PIP4K2A: variants seen among roughly 807,000 people sequenced by gnomAD.
PIP4K2A encodes the protein phosphatidylinositol-5-phosphate 4-kinase type 2 alpha.
PIP4K2A carries 14 observed loss-of-function variants against 42.9 expected under a neutral mutation model. The observed-to-expected ratio is 0.33, with a 90% CI of 0.22 to 0.51. The LOEUF is 0.51. Among genes scored for constraint, PIP4K2A ranks in the 20% least tolerant of loss-of-function variants. The probability of loss-of-function intolerance (pLI) is 0.97; values close to 1 mark genes in which losing one functional copy is unlikely to be tolerated. For missense variants in PIP4K2A, 434 were observed against 519.8 expected (o/e 0.83, Z 1.61); for synonymous variants, 192 against 192.2 (o/e 1.00, Z 0.01).
At chr10:22,591,578 C>A in intron 4 of PIP4K2A, 51 bp downstream of exon 4, 1 of 1,407,888 alleles carries the variant, frequency 7.1e-7, no homozygotes, top group Non-Finnish European at 9.8e-7. Context: ...TGAGAAATCG[C>A]TACGCATGTT....
intron 1 of PIP4K2A, among the ~76,000 whole-genome samples, chr10:22,612,438 A>G (rs766953842): frequency 2.0e-5 from 3 of 152,200 alleles, no homozygotes; most frequent in Non-Finnish European, 2.9e-5. Context: ...TTCCAGGAAG[A>G]AGGCGAGTCC....
At chr10:22,573,642 A>G (rs1378484444) in intron 4 of PIP4K2A, among the ~76,000 whole-genome samples, 185 bp from the exon 5 acceptor site, 4 of 152,266 alleles carry the variant, frequency 2.6e-5, no homozygotes, top group African/African-American at 9.6e-5. Flanking sequence ...ATCTCTACAC[A>G]GAAAAGAAAA....
intron 3 of PIP4K2A, among the ~76,000 whole-genome samples, chr10:22,606,638 T>C (rs1473865558): frequency 6.6e-6 from 1 of 152,210 alleles, no homozygotes; most frequent in Non-Finnish European, 1.5e-5. Flanking sequence ...GTGCTAACTA[T>C]CTCAGTTTGC....
intron 1 of PIP4K2A, among the ~76,000 whole-genome samples, chr10:22,655,254 T>G (rs763705000): frequency 6.6e-6 from 1 of 152,216 alleles, no homozygotes; most frequent in Non-Finnish European, 1.5e-5. Flanking sequence ...GGCAGAGGTC[T>G]GAAGATTTTT....
rs61178648 is a variant in PIP4K2A, at chr10:22,674,978, C to T, written c.144+39205G>A. Among the ~76,000 whole-genome samples, 4 of 149,694 alleles carry T rather than the reference C, an allele frequency of 2.7e-5. No individual in the cohort carries two copies. In the East Asian group the frequency reaches 7.8e-4, roughly 29 times the overall value. On this transcript the variant is annotated intron_variant, in intron 1 of 9. Coordinates refer to ENST00000376573, the MANE Select transcript of PIP4K2A (RefSeq NM_005028.5). ...ACCGTAGGATTCTGTCTTTAAAAAA[C>T]AAAAAAAAGTCCATCTATATTTTTC...
intron 6 of PIP4K2A, among the ~76,000 whole-genome samples, chr10:22,551,926 T>C (rs1171829692): frequency 6.6e-6 from 1 of 152,184 alleles, no homozygotes; most frequent in East Asian, 1.9e-4. Context: ...ATTTATAAAG[T>C]ATAGACATGC....
At chr10:22,684,256 C>A (rs866565921) in intron 1 of PIP4K2A, among the ~76,000 whole-genome samples, 3 of 152,176 alleles carry the variant, frequency 2.0e-5, no homozygotes, top group Non-Finnish European at 2.9e-5. Context: ...AAAGACATTA[C>A]TGATTGGGTC....
chr10:22,687,150 A>G (rs1006009281), intron 1 of PIP4K2A, among the ~76,000 whole-genome samples: 4 of 152,262 alleles, frequency 2.6e-5, no homozygotes, highest in Middle Eastern at 3.4e-3. Context: ...AGATTAAAAA[A>G]AAAAAAAAAG....
chr10:22,673,137 A>G (rs1398030479), intron 1 of PIP4K2A, among the ~76,000 whole-genome samples: 1 of 152,158 alleles, frequency 6.6e-6, no homozygotes, highest in Non-Finnish European at 1.5e-5. Flanking sequence ...CCCCATGGTT[A>G]TGACTTCTAC....
At chr10:22,592,431 C>G (rs1837534812) in intron 3 of PIP4K2A, among the ~76,000 whole-genome samples, 2 of 152,126 alleles carry the variant, frequency 1.3e-5, no homozygotes, top group Non-Finnish European at 2.9e-5. Context: ...CCTGTGTGCC[C>G]CAGGAGGAGG....
At chr10:22,710,367 G>A (rs34303686) in intron 1 of PIP4K2A, among the ~76,000 whole-genome samples, 25,795 of 152,280 alleles carry the variant, frequency 0.17, 2,777 homozygotes, top group Middle Eastern at 0.28. Context: ...CAACAGGCAA[G>A]CGCTGCCATG....
intron 1 of PIP4K2A, among the ~76,000 whole-genome samples, chr10:22,699,995 G>A (rs969506903): frequency 1.3e-5 from 2 of 152,176 alleles, no homozygotes; most frequent in African/African-American, 4.8e-5. Flanking sequence ...AATACAAGGA[G>A]TAACCAAGCT....
intron 1 of PIP4K2A, among the ~76,000 whole-genome samples, chr10:22,652,152 C>CT (rs1262485337): frequency 6.6e-6 from 1 of 151,346 alleles, no homozygotes; most frequent in African/African-American, 2.4e-5. Flanking sequence ...GACTCTTACT[C>CT]TGTCACCCAG....
intron 3 of PIP4K2A, among the ~76,000 whole-genome samples, chr10:22,604,124 C>T (rs1837854706): frequency 6.6e-6 from 1 of 151,904 alleles, no homozygotes; most frequent in Non-Finnish European, 1.5e-5. Context: ...TTGTCTTTAA[C>T]AACAAGGAAA....
intron 1 of PIP4K2A, among the ~76,000 whole-genome samples, chr10:22,699,275 C>A (rs1025664803): frequency 2.0e-5 from 3 of 152,054 alleles, no homozygotes; most frequent in African/African-American, 7.2e-5. Context: ...GGTTGTGTTC[C>A]AAACATTCAT....
intron 4 of PIP4K2A, among the ~76,000 whole-genome samples, chr10:22,589,069 C>T (rs980884578): frequency 6.6e-6 from 1 of 152,138 alleles, no homozygotes; most frequent in Admixed American, 6.5e-5. Context: ...TTTGTAAAGT[C>T]AAAGGATGCT....
At chr10:22,589,191 C>T (rs908802833) in intron 4 of PIP4K2A, among the ~76,000 whole-genome samples, 3 of 152,146 alleles carry the variant, frequency 2.0e-5, no homozygotes, top group African/African-American at 7.2e-5. Context: ...CATGAGATAT[C>T]ACTTCGCTTT....
chr10:22,632,799 T>C (rs1463018322), intron 1 of PIP4K2A, among the ~76,000 whole-genome samples: 1 of 152,254 alleles, frequency 6.6e-6, no homozygotes, highest in Non-Finnish European at 1.5e-5. Flanking sequence ...TAATATATTC[T>C]TGACTCTCTT....
At chr10:22,588,428 T>C (rs1837445384) in intron 4 of PIP4K2A, among the ~76,000 whole-genome samples, 1 of 152,208 alleles carries the variant, frequency 6.6e-6, no homozygotes, top group African/African-American at 2.4e-5. Flanking sequence ...CCAAGACCAC[T>C]TACATTTCTC....
Sources: allele counts gnomAD v4.1 joint callset (sites outside exome capture counted in the v4.1 genomes callset), GRCh38; gene constraint gnomAD v4.1.1; transcripts MANE v1.5; gene names NCBI Gene and HGNC (gene_info 2026-07-23, HGNC 2026-07-21).